Variants in EVX1 observed in about 807,000 individuals in gnomAD.
The protein encoded by EVX1 is homeobox even-skipped homolog protein 1.
A neutral mutation model predicts 28.6 loss-of-function variants in EVX1; 19 were observed. The ratio of observed to expected loss-of-function variants is 0.67; its 90% confidence interval spans 0.46 to 0.98. EVX1 has a LOEUF of 0.98. EVX1 is among the 50% of genes least tolerant of loss of function. EVX1 has a pLI of 0.00. For synonymous variants in EVX1, 324 were observed against 278.2 expected (o/e 1.16, Z -1.64); for missense variants, 660 against 583.0 (o/e 1.13, Z -1.36).
intron 2 of EVX1, 138 bp downstream of exon 2, chr7:27,245,442 T>G: frequency 7.9e-7 from 1 of 1,266,566 alleles, no homozygotes. Context: ...TTGACCCTCG[T>G]GACAGCTCCT....
chr7:27,245,807 C>T (rs1236596051), intron 2 of EVX1, 79 bp from the exon 3 acceptor site: 1 of 1,525,630 alleles, frequency 6.6e-7, no homozygotes, highest in East Asian at 2.3e-5. Flanking sequence ...GAACACTGTC[C>T]CCGGAGCGGG....
In EVX1 at chr7:27,242,951, C is replaced by A. The variant is rs1432342003; in HGVS notation, c.-80C>A. ...CTTTCTCCCTCTTGCAACCAAGATCCGTCCGGCCGCTGGAGACCCAGGGAG... is the reference window on the plus strand; with the variant it reads ...CTTTCTCCCTCTTGCAACCAAGATCAGTCCGGCCGCTGGAGACCCAGGGAG... On this transcript the variant is annotated 5_prime_UTR_variant, in exon 1 of 3. Coordinates refer to ENST00000496902, the MANE Select transcript of EVX1 (RefSeq NM_001989.5). 1 of 1,378,256 alleles carries A rather than the reference C, an allele frequency of 7.3e-7. No individual in the cohort carries two copies. Among genetic ancestry groups the A allele is most frequent in the East Asian group, 2.7e-5 (1 of 36,908 alleles). The allele number at this position is 1,378,256 out of a possible 1,614,324, so 85.4% of individuals were successfully genotyped here.
chr7:27,242,948 A>T lies in EVX1; in HGVS notation c.-83A>T. 1 of 1,375,180 alleles carries T rather than the reference A, an allele frequency of 7.3e-7. No individual in the cohort carries two copies. 85.2% of individuals were successfully genotyped at this position (1,375,180 alleles called of 1,614,324 possible). A position where few individuals can be genotyped will look rare whatever the true frequency, so the allele number is the denominator to read the frequency against. On this transcript the variant is annotated 5_prime_UTR_variant, in exon 1 of 3. Transcript: ENST00000496902. ...TTTCTTTCTCCCTCTTGCAACCAAG[A>T]TCCGTCCGGCCGCTGGAGACCCAGG...
intron 2 of EVX1, 71 bp downstream of exon 2, chr7:27,245,375 C>T (rs1285690613): frequency 4.6e-5 from 72 of 1,580,094 alleles, no homozygotes; most frequent in Admixed American, 1.0e-4. Flanking sequence ...ACTGCCAACT[C>T]CCTGAAACGC....
Position 27,246,074 on chromosome 7 carries a change from C to T in EVX1, c.873C>T (p.Ser291=), listed in dbSNP as rs770776117. ...YYSPVGLGAA[S]AASAAASPFS... is the part of the protein sequence containing the mutation. ...CGCCGGTGGGCCTGGGCGCCGCATC[C>T]GCCGCCTCCGCCGCCGCCTCGCCCT... The change falls in exon 3 of 3, where the codon TCC becomes TCT. Residue 291 remains serine (S), a synonymous_variant. Coordinates refer to ENST00000496902, the MANE Select transcript of EVX1 (RefSeq NM_001989.5). 12 of 1,571,484 alleles carry T rather than the reference C, an allele frequency of 7.6e-6. No individual in the cohort carries two copies. Among genetic ancestry groups the T allele is most frequent in the Admixed American group, 1.8e-5 (1 of 56,868 alleles).
chr7:27,244,569 C>T (rs1562535068), intron 1 of EVX1: 5 of 853,990 alleles, frequency 5.9e-6, no homozygotes, highest in African/African-American at 3.7e-5. Context: ...CTGCAATACA[C>T]GGAACCTAGT....
At chr7:27,244,740 C>A (rs923642528) in intron 1 of EVX1, among the ~76,000 whole-genome samples, 1 of 152,208 alleles carries the variant, frequency 6.6e-6, no homozygotes, top group African/African-American at 2.4e-5. Context: ...GCCCTGCCAA[C>A]GGGAGGCAGA....
At position 27,243,151 on chromosome 7, in the gene EVX1, A is replaced by G; in HGVS notation, c.121A>G (p.Lys41Glu). 6.3e-7 allele frequency: 1 copy of G among 1,598,490 alleles called. No individual in the cohort carries two copies. Among genetic ancestry groups the G allele is most frequent in the Non-Finnish European group, 8.5e-7 (1 of 1,172,528 alleles). Residue 41 changes from lysine (K) to glutamate (E), a missense_variant, in exon 1 of 3, where the codon AAA (lysine) becomes GAA (glutamate). This residue lies in a region of EVX1 where 308 missense variants were observed against 256.6 expected (regional missense o/e 1.20). Transcript: ENST00000496902. The part of the protein sequence containing the change: ...VGSPLPEPPE[K>E]MVPRGCLSPR... ...CAGCCCGCTGCCGGAGCCGCCCGAGAAAATGGTGCCCCGTGGTTGCCTGAG... is the reference window on the plus strand; with the variant it reads ...CAGCCCGCTGCCGGAGCCGCCCGAGGAAATGGTGCCCCGTGGTTGCCTGAG...
Position 27,246,106 on chromosome 7 carries a change from G to A in EVX1, c.905G>A (p.Gly302Asp), listed in dbSNP as rs777415240. ...AASAAASPFS[G>D]SLRPLDTFRV... is the part of the protein sequence containing the mutation. ...TCCGCCGCCGCCTCGCCCTTCAGCG[G>A]CTCGCTGCGCCCGCTCGACACGTTC... Residue 302 changes from glycine to aspartate, a missense_variant, in exon 3 of 3, where the codon GGC becomes GAC. Coordinates refer to ENST00000496902, the MANE Select transcript of EVX1 (RefSeq NM_001989.5). The A allele has an allele frequency of 9.7e-6, 15 of 1,550,210 alleles. No individual in the cohort carries two copies. Among genetic ancestry groups the A allele is most frequent in the Non-Finnish European group, 1.3e-5 (15 of 1,157,480 alleles).
In EVX1 at chr7:27,246,097, C is replaced by T; in HGVS notation, c.896C>T (p.Pro299Leu). Residue 299 changes from proline (P) to leucine (L), a missense_variant, in exon 3 of 3, where the codon CCC becomes CTC. Physicochemically the swap from Pro to Leu is moderately conservative, Grantham distance 98. Transcript: ENST00000496902. The part of the protein sequence containing the change: ...AASAASAAAS[P>L]FSGSLRPLDT... ...TCCGCCGCCTCCGCCGCCGCCTCGC[C>T]CTTCAGCGGCTCGCTGCGCCCGCTC... 3.2e-6 allele frequency: 5 copies of T among 1,560,236 alleles called. No homozygotes were observed. Among genetic ancestry groups the T allele is most frequent in the Non-Finnish European group, 4.3e-6 (5 of 1,162,330 alleles).
At chr7:27,245,791 C>T in intron 2 of EVX1, 95 bp from the exon 3 acceptor site, 1 of 1,484,570 alleles carries the variant, frequency 6.7e-7, no homozygotes, top group Non-Finnish European at 8.9e-7. Context: ...GCTGTTCCTG[C>T]CCTGCGAACA....
rs764809796 is a variant in EVX1 at position 27,246,459 on chromosome 7, C to T, written c.*34C>T. 13 of 1,569,826 alleles carry T rather than the reference C, an allele frequency of 8.3e-6. No homozygotes were observed. The highest frequency in any genetic ancestry group is 5.3e-5 in the Admixed American group (3 of 56,324). On this transcript the variant is annotated 3_prime_UTR_variant, in exon 3 of 3. Coordinates refer to ENST00000496902, the MANE Select transcript of EVX1 (RefSeq NM_001989.5). The stretch of plus-strand genomic sequence containing the variant: ...CGGCTGGCTGCCGGCTCCATGACGC[C>T]CGTGGGGTCACCCCCCGGCCCCGGG...
Position 27,245,273 on chromosome 7 carries a change from C to G in EVX1, c.653C>G (p.Ala218Gly), listed in dbSNP as rs2115495850. The G allele has an allele frequency of 6.2e-7, 1 of 1,613,342 alleles. No homozygotes were observed. Among genetic ancestry groups the G allele is most frequent in the Non-Finnish European group, 8.5e-7 (1 of 1,180,042 alleles). The change falls in exon 2 of 3, where the codon GCC becomes GGC. Residue 218 changes from alanine to glycine, a missense_variant. Ala to Gly is a moderately conservative substitution (Grantham distance 60, BLOSUM62 0). Coordinates refer to ENST00000496902, the MANE Select transcript of EVX1 (RefSeq NM_001989.5). ...AGGCCGCGGAGATGTGAGCTGGCGG[C>G]CGCCCTAAACCTGCCGGAAACCACC... Reference protein sequence around the residue: ...VSRPRRCELAAALNLPETTIK... With the variant: ...VSRPRRCELAGALNLPETTIK...
intron 1 of EVX1, 200 bp downstream of exon 1, chr7:27,243,657 T>A (rs1204149608): frequency 7.0e-6 from 4 of 572,518 alleles, no homozygotes. Context: ...GTGACAGCAG[T>A]GCCTTGAGTG....
Position 27,246,514 on chromosome 7 carries a change from C to G in EVX1, c.*89C>G, listed in dbSNP as rs1783197193. The stretch of plus-strand genomic sequence containing the variant: ...AGCCAGCCTCGCTCCTCGCTCCTCG[C>G]TCCTCGCCCCTAGGACGCCAAGGGG... On this transcript the variant is annotated 3_prime_UTR_variant, in exon 3 of 3. Coordinates refer to ENST00000496902, the MANE Select transcript of EVX1 (RefSeq NM_001989.5). The G allele has an allele frequency of 3.0e-6, 4 of 1,321,254 alleles. No homozygotes were observed. The highest frequency in any genetic ancestry group is 4.1e-6 in the Non-Finnish European group (4 of 967,330). The allele number at this position is 1,321,254 out of a possible 1,614,324, so 81.8% of individuals were successfully genotyped here.
chr7:27,244,645 A>G (rs149981242), intron 1 of EVX1: 2 of 325,068 alleles, frequency 6.2e-6, no homozygotes, highest in Non-Finnish European at 9.8e-6. Flanking sequence ...CTGAATGCCC[A>G]GCATACTACA....
At position 27,243,284 on chromosome 7, in the gene EVX1, A is replaced by G. The variant is rs2115493627; in HGVS notation, c.254A>G (p.Gln85Arg). 1 of 1,551,150 alleles carries G rather than the reference A, an allele frequency of 6.4e-7. No individual in the cohort carries two copies. The highest frequency in any genetic ancestry group is 1.2e-5 in the South Asian group (1 of 84,926). ...GSAAGPGAEP[Q>R]VAGAAMLGPG... ...GCGGCGGGGCCGGGCGCCGAGCCCCAGGTAGCTGGGGCGGCCATGCTCGGC... is the reference window on the plus strand; with the variant it reads ...GCGGCGGGGCCGGGCGCCGAGCCCCGGGTAGCTGGGGCGGCCATGCTCGGC... Residue 85 changes from glutamine to arginine, a missense_variant, in exon 1 of 3, where the codon CAG becomes CGG. Gln to Arg is a conservative substitution (Grantham distance 43). Transcript: ENST00000496902.
intron 2 of EVX1, among the ~76,000 whole-genome samples, chr7:27,245,628 C>T (rs1276543568): frequency 2.6e-5 from 4 of 152,182 alleles, no homozygotes; most frequent in Non-Finnish European, 5.9e-5. Flanking sequence ...TCCTCCCATA[C>T]ACACACTGGC....
Position 27,245,546 on chromosome 7 carries a change from G to T in EVX1, c.684+242G>T, listed in dbSNP as rs368933656. Among the ~76,000 whole-genome samples the T allele has an allele frequency of 2.8e-4, 43 of 151,652 alleles. No homozygotes were observed. The East Asian group carries it at 5.2e-3, about 18-fold the overall frequency. On this transcript the variant is annotated intron_variant, in intron 2 of 2. Transcript: ENST00000496902. ...GGGGAAGGGGATAGAGTGCCTGTGCGGGTGACAAGGAAGTTTCTGGGGACA... is the reference window on the plus strand; with the variant it reads ...GGGGAAGGGGATAGAGTGCCTGTGCTGGTGACAAGGAAGTTTCTGGGGACA...
Sources: gnomAD v4.1 joint callset for allele counts (sites outside exome capture counted in the v4.1 genomes callset) on GRCh38, gnomAD v4.1.1 for gene constraint, gnomAD v4.1.1 regional missense constraint, MANE v1.5 for transcripts, NCBI Gene and HGNC (gene_info 2026-07-23, HGNC 2026-07-21) for gene names.